The following OR1B1 variants were observed in gnomAD, a reference collection of about 807,000 sequenced individuals.
OR1B1 encodes olfactory receptor family 1 subfamily B member 1, also known as olfactory receptor 1B1.
For missense variants in OR1B1, 414 were observed against 402.1 expected, an observed-to-expected ratio of 1.03 and a Z score of -0.25; for synonymous variants, 168 against 156.2, an observed-to-expected ratio of 1.08 and a Z score of -0.57.
rs753134750 is a variant in OR1B1 at position 122,628,914 on chromosome 9, C to G, written c.622G>C (p.Glu208Gln). Residue 208 changes from glutamate (E) to glutamine (Q), a missense_variant, in exon 1 of 1, where the codon GAG (glutamate) becomes CAG (glutamine). Glu to Gln is a conservative substitution (Grantham distance 29). Coordinates refer to ENST00000623530, the Ensembl canonical transcript of OR1B1. ...GGGCCCAGCATAAGGAAGCCACCCT[C>G]AAAGAATATGGCCAGCTCATTAGAA... 1.9e-6 allele frequency: 3 copies of G among 1,614,098 alleles called. No homozygotes were observed. The highest frequency in any genetic ancestry group is 2.5e-6 in the Non-Finnish European group (3 of 1,180,016).
chr9:122,649,592 A>G, the OR1B1 span, among the ~76,000 whole-genome samples: 1 of 152,264 alleles, frequency 6.6e-6, no homozygotes, highest in Non-Finnish European at 1.5e-5. Flanking sequence ...GGCAAAGGAT[A>G]TAAGCAGACA....
At chr9:122,643,002 AT>A in the OR1B1 span, among the ~76,000 whole-genome samples, 1 of 152,192 alleles carries the variant, frequency 6.6e-6, no homozygotes, top group African/African-American at 2.4e-5. Context: ...AAAGGCTCAA[AT>A]AATAATTGTT....
the OR1B1 span, among the ~76,000 whole-genome samples, chr9:122,637,407 C>A: frequency 0.01 from 1,551 of 152,206 alleles, 26 homozygotes; most frequent in African/African-American, 0.035. Context: ...CCCTCCCTTA[C>A]ATTGGACATC....
chr9:122,631,521 G>A (rs1830203192), upstream of OR1B1, among the ~76,000 whole-genome samples: 1 of 152,120 alleles, frequency 6.6e-6, no homozygotes, highest in Non-Finnish European at 1.5e-5. Context: ...AAGAACATAA[G>A]GGAAATACAA....
At chr9:122,656,941 T>G in the OR1B1 span, among the ~76,000 whole-genome samples, 1 of 152,144 alleles carries the variant, frequency 6.6e-6, no homozygotes, top group African/African-American at 2.4e-5. Flanking sequence ...ATAGTTTAAA[T>G]CAACTGAGGG....
At chr9:122,656,399 A>G in the OR1B1 span, among the ~76,000 whole-genome samples, 1,268 of 152,234 alleles carry the variant, frequency 8.3e-3, 15 homozygotes, top group African/African-American at 0.029. Context: ...GAGATTAGGT[A>G]TCTTTTCTCA....
At chr9:122,628,264 A>T (rs986231809), downstream of OR1B1, among the ~76,000 whole-genome samples, 1 of 152,162 alleles carries the variant, frequency 6.6e-6, no homozygotes, top group East Asian at 1.9e-4. Context: ...TAGTTTCACA[A>T]TCCTATCCTC....
chr9:122,632,850 C>T (rs1830216056), upstream of OR1B1, among the ~76,000 whole-genome samples: 3 of 151,948 alleles, frequency 2.0e-5, 1 homozygote, highest in Admixed American at 2.0e-4. Context: ...TTGTTTTCAC[C>T]CTGCTGATAA....
the OR1B1 span, among the ~76,000 whole-genome samples, chr9:122,657,482 G>T: frequency 6.6e-6 from 1 of 152,194 alleles, no homozygotes; most frequent in African/African-American, 2.4e-5. Context: ...CTGGCTGGAA[G>T]TAGATCAAGG....
the OR1B1 span, among the ~76,000 whole-genome samples, chr9:122,635,854 G>T: frequency 6.6e-6 from 1 of 151,534 alleles, no homozygotes; most frequent in Non-Finnish European, 1.5e-5. Flanking sequence ...ATTCGAAGAG[G>T]TTATATTAAA....
At chr9:122,644,590 G>C in the OR1B1 span, among the ~76,000 whole-genome samples, 1 of 152,228 alleles carries the variant, frequency 6.6e-6, no homozygotes, top group Non-Finnish European at 1.5e-5. Flanking sequence ...CCACAGTGGT[G>C]TTGGCATCAC....
the OR1B1 span, among the ~76,000 whole-genome samples, chr9:122,636,263 C>T: frequency 2.6e-5 from 4 of 152,198 alleles, no homozygotes; most frequent in African/African-American, 9.7e-5. Flanking sequence ...TGTGTGTATA[C>T]ACACACATAT....
At chr9:122,647,891 G>T in the OR1B1 span, among the ~76,000 whole-genome samples, 6 of 152,144 alleles carry the variant, frequency 3.9e-5, no homozygotes, top group Non-Finnish European at 8.8e-5. Flanking sequence ...CTAACAAAAT[G>T]AAATGCTCGA....
chr9:122,643,035 G>A, the OR1B1 span, among the ~76,000 whole-genome samples: 35 of 152,250 alleles, frequency 2.3e-4, no homozygotes, highest in African/African-American at 8.4e-4. Context: ...AAGAATGGGG[G>A]TGTGGGGCAA....
the OR1B1 span, among the ~76,000 whole-genome samples, chr9:122,653,753 A>G: frequency 5.1e-3 from 775 of 152,254 alleles, 6 homozygotes; most frequent in African/African-American, 0.018. Context: ...TTAAGGAGAG[A>G]GGGGTTTTAA....
the OR1B1 span, among the ~76,000 whole-genome samples, chr9:122,651,502 T>C: frequency 6.6e-6 from 1 of 152,192 alleles, no homozygotes; most frequent in Non-Finnish European, 1.5e-5. Context: ...TAGTGTCCTC[T>C]GTTCTACTTT....
At chr9:122,646,391 G>A in the OR1B1 span, among the ~76,000 whole-genome samples, 1 of 151,634 alleles carries the variant, frequency 6.6e-6, no homozygotes, top group East Asian at 1.9e-4. Context: ...CCAATCAAAA[G>A]ACATAAAGTG....
the OR1B1 span, among the ~76,000 whole-genome samples, chr9:122,653,416 G>T: frequency 6.6e-6 from 1 of 152,090 alleles, no homozygotes; most frequent in Non-Finnish European, 1.5e-5. Flanking sequence ...TTTCTTACTT[G>T]TAAATGAGGA....
the OR1B1 span, among the ~76,000 whole-genome samples, chr9:122,649,575 A>G: frequency 6.6e-6 from 1 of 152,220 alleles, no homozygotes; most frequent in South Asian, 2.1e-4. Flanking sequence ...AACCCCATCA[A>G]AAAGTGGGCA....
Sources: gnomAD v4.1 joint callset for allele counts (sites outside exome capture counted in the v4.1 genomes callset) on GRCh38, gnomAD v4.1.1 for gene constraint, MANE v1.5 for transcripts, NCBI Gene and HGNC (gene_info 2026-07-23, HGNC 2026-07-21) for gene names.